RNF144A: variants seen among roughly 807,000 people sequenced by gnomAD.
RNF144A encodes ring finger protein 144A.
In RNF144A, 11 loss-of-function variants were observed where a neutral mutation model predicts 38.7. The ratio of observed to expected loss-of-function variants is 0.28; its 90% CI spans 0.18 to 0.47. RNF144A has a LOEUF of 0.47. Among genes scored for constraint, RNF144A ranks in the 20% least tolerant of loss-of-function variants. The pLI is 0.99. For missense variants in RNF144A, 316 were observed against 377.2 expected (o/e 0.84, Z 1.34); for synonymous variants, 149 against 143.9 (o/e 1.04, Z -0.25).
chr2:7,053,657 T>G (rs1215206876), intron 6 of RNF144A, among the ~76,000 whole-genome samples: 3 of 152,252 alleles, frequency 2.0e-5, no homozygotes, highest in African/African-American at 7.2e-5. Context: ...AAAATTTATT[T>G]CTAGTGTATG....
At chr2:7,039,157 T>C (rs1333102099) in intron 8 of RNF144A, among the ~76,000 whole-genome samples, 5 of 148,320 alleles carry the variant, frequency 3.4e-5, no homozygotes, top group Admixed American at 6.7e-5. Context: ...GATAGAGAGA[T>C]GGATGATGGT....
intron 2 of RNF144A, among the ~76,000 whole-genome samples, chr2:6,964,049 G>A (rs576027971): frequency 2.0e-5 from 3 of 151,972 alleles, no homozygotes; most frequent in Non-Finnish European, 4.4e-5. Context: ...ACTGTGGCAA[G>A]GGTAGCAGAG....
chr2:6,976,542 A>C (rs1385318544), intron 2 of RNF144A, among the ~76,000 whole-genome samples: 1 of 150,482 alleles, frequency 6.6e-6, no homozygotes, highest in Admixed American at 6.6e-5. Flanking sequence ...TTTGGTTTGC[A>C]GAAGGTTTTG....
intron 3 of RNF144A, among the ~76,000 whole-genome samples, chr2:7,008,628 TC>T (rs1670604731): frequency 1.3e-5 from 2 of 152,212 alleles, no homozygotes; most frequent in Non-Finnish European, 2.9e-5. Context: ...CAGATGCTGT[TC>T]CTGAGCACAC....
In RNF144A at chr2:7,042,395, T is replaced by C; in HGVS notation, c.*2635T>C. ...ATTTGTCTCCATTGAAAAATGGCAT[T>C]CACTCTTACAGATGGTGTTCACTGC... On this transcript the variant is annotated 3_prime_UTR_variant, in exon 9 of 9. Transcript: ENST00000320892. 2.0e-6 allele frequency: 2 copies of C among 985,430 alleles called. No individual in the cohort carries two copies. Among genetic ancestry groups the C allele is most frequent in the South Asian group, 9.4e-5 (2 of 21,276 alleles). 61.0% of individuals were successfully genotyped at this position (985,430 alleles called of 1,614,324 possible). A position where few individuals can be genotyped will look rare whatever the true frequency, so the allele number is the denominator to read the frequency against.
At chr2:7,033,637 A>G (rs1482143949) in intron 8 of RNF144A, among the ~76,000 whole-genome samples, 1 of 152,112 alleles carries the variant, frequency 6.6e-6, no homozygotes, top group African/African-American at 2.4e-5. Context: ...GGCCCAATCC[A>G]GGTGTGACCT....
chr2:7,024,243 G>T lies in RNF144A; in HGVS notation c.510-126G>T, dbSNP rs569699097. The T allele has an allele frequency of 7.1e-5, 60 of 849,400 alleles. No homozygotes were observed. The African/African-American group carries it at 7.4e-4, about 10-fold the overall frequency. The allele number at this position is 849,400 out of a possible 1,614,324, so 52.6% of individuals were successfully genotyped here. ...TTCTTTGTTTTTTGGTTTTTGTTTTGTTTTTTCATTTAATACCAAGAAAAC... is the reference window on the plus strand; with the variant it reads ...TTCTTTGTTTTTTGGTTTTTGTTTTTTTTTTTCATTTAATACCAAGAAAAC... On this transcript the variant is annotated intron_variant, in intron 6 of 8. Coordinates refer to ENST00000320892, the MANE Select transcript of RNF144A (RefSeq NM_014746.6).
At chr2:6,929,805 G>T (rs916084675) in intron 1 of RNF144A, among the ~76,000 whole-genome samples, 7 of 152,182 alleles carry the variant, frequency 4.6e-5, no homozygotes, top group African/African-American at 1.7e-4. Context: ...ATAATAAATA[G>T]CTTTGGAGAT....
intron 3 of RNF144A, among the ~76,000 whole-genome samples, chr2:7,003,297 A>G (rs1046768009): frequency 1.3e-5 from 2 of 152,236 alleles, no homozygotes; most frequent in South Asian, 4.1e-4. Flanking sequence ...CTGTAGCAGC[A>G]GTAATGGCTG....
At chr2:7,066,417 T>C (rs1479136634) in intron 6 of RNF144A, among the ~76,000 whole-genome samples, 2 of 152,202 alleles carry the variant, frequency 1.3e-5, no homozygotes, top group Non-Finnish European at 2.9e-5. Flanking sequence ...AAGCTATCTA[T>C]AGCTTAGAAC....
intron 2 of RNF144A, among the ~76,000 whole-genome samples, chr2:6,954,935 G>A (rs1183915041): frequency 6.6e-6 from 1 of 152,068 alleles, no homozygotes; most frequent in Non-Finnish European, 1.5e-5. Context: ...ACATTTATAA[G>A]GTGACCCACA....
intron 2 of RNF144A, among the ~76,000 whole-genome samples, chr2:6,959,978 A>G (rs1667238591): frequency 6.6e-6 from 1 of 152,142 alleles, no homozygotes; most frequent in Admixed American, 6.5e-5. Flanking sequence ...TCATATGGAG[A>G]TCATACAGTG....
At chr2:7,018,861 C>G (rs1057111644) in intron 5 of RNF144A, among the ~76,000 whole-genome samples, 6 of 151,886 alleles carry the variant, frequency 4.0e-5, no homozygotes, top group Non-Finnish European at 8.8e-5. Context: ...AACATTCTGA[C>G]AGTTTTGTGC....
chr2:6,990,417 CACACACACACACACACACAG>C (rs1279047404), intron 2 of RNF144A, among the ~76,000 whole-genome samples: 85 of 139,292 alleles, frequency 6.1e-4, no homozygotes, highest in African/African-American at 2.1e-3. Context: ...CACACACACA[CACACACACACACACACACAG>C]AGCTATATAT....
chr2:7,070,515 T>C (rs989307446), downstream of RNF144A, among the ~76,000 whole-genome samples: 8 of 152,342 alleles, frequency 5.3e-5, no homozygotes, highest in East Asian at 1.2e-3. Context: ...CCAAAAGTTA[T>C]GTTGAAGTCC....
At chr2:6,920,238 G>T (rs916255498) in intron 1 of RNF144A, among the ~76,000 whole-genome samples, 4 of 152,190 alleles carry the variant, frequency 2.6e-5, no homozygotes, top group African/African-American at 9.7e-5. Context: ...TCCCTCTGGG[G>T]GTAGAGATGG....
Position 6,997,212 on chromosome 2 carries a change from T to A in RNF144A, c.135+151T>A, listed in dbSNP as rs1669806822. On this transcript the variant is annotated intron_variant, in intron 3 of 8. Coordinates refer to ENST00000320892, the MANE Select transcript of RNF144A (RefSeq NM_014746.6). The stretch of plus-strand genomic sequence containing the variant: ...GCCTTCACACAGTTCTTGGAAGAAT[T>A]ATTCTGTTAGTCAGGCAGGCTCCCA... 8.7e-6 allele frequency: 6 copies of A among 688,496 alleles called. No individual in the cohort carries two copies. The South Asian group carries it at 1.2e-4, about 14-fold the overall frequency. 42.6% of individuals were successfully genotyped at this position (688,496 alleles called of 1,614,324 possible). A position where few individuals can be genotyped will look rare whatever the true frequency, so the allele number is the denominator to read the frequency against.
At chr2:7,021,136 C>T (rs972513591) in intron 6 of RNF144A, among the ~76,000 whole-genome samples, 1 of 152,198 alleles carries the variant, frequency 6.6e-6, no homozygotes, top group Non-Finnish European at 1.5e-5. Context: ...GCGGCCTCCC[C>T]TGCAGCCATA....
chr2:7,039,907 A>G lies in RNF144A; in HGVS notation c.*147A>G. On this transcript the variant is annotated 3_prime_UTR_variant, in exon 9 of 9. Coordinates refer to ENST00000320892, the MANE Select transcript of RNF144A (RefSeq NM_014746.6). ...GTGTCAGGCTGGACGCCGTGATTTC[A>G]GGGACCTATGTCACAATGTTCGCTG... 6.9e-7 allele frequency: 1 copy of G among 1,442,170 alleles called. No homozygotes were observed. The highest frequency in any genetic ancestry group is 9.1e-7 in the Non-Finnish European group (1 of 1,098,292). The allele number at this position is 1,442,170 out of a possible 1,614,324, so 89.3% of individuals were successfully genotyped here. A position where few individuals can be genotyped will look rare whatever the true frequency, so the allele number is the denominator to read the frequency against.
Sources: gnomAD v4.1 joint callset for allele counts (sites outside exome capture counted in the v4.1 genomes callset) on GRCh38, gnomAD v4.1.1 for gene constraint, MANE v1.5 for transcripts, NCBI Gene and HGNC (gene_info 2026-07-23, HGNC 2026-07-21) for gene names.